SEPTIN6: variants seen among roughly 807,000 people sequenced by gnomAD.
SEPTIN6 encodes the protein septin 6.
In SEPTIN6, 8 loss-of-function variants were observed where a neutral mutation model predicts 33.6. The ratio of observed to expected loss-of-function variants is 0.24; its 90% confidence interval spans 0.14 to 0.43. The LOEUF is 0.43. Among genes scored for constraint, SEPTIN6 ranks in the 20% least tolerant of loss-of-function variants. The pLI, the probability that SEPTIN6 is intolerant of heterozygous loss-of-function variation, is 1.00. For synonymous variants in SEPTIN6, 131 were observed against 140.0 expected, an observed-to-expected ratio of 0.94 and a Z score of 0.45; for missense variants, 250 against 340.8, an observed-to-expected ratio of 0.73 and a Z score of 2.10.
At chrX:119,670,389 C>G (rs1159225334) in intron 2 of SEPTIN6, among the ~76,000 whole-genome samples, 1 of 107,832 alleles carries the variant, frequency 9.3e-6, no homozygotes, top group Non-Finnish European at 1.9e-5. Flanking sequence ...GAGACCCTGT[C>G]TCTACTAAAA....
At chrX:119,687,892 C>T (rs2055086779) in intron 1 of SEPTIN6, among the ~76,000 whole-genome samples, 1 of 112,178 alleles carries the variant, frequency 8.9e-6, no homozygotes, top group South Asian at 3.6e-4. Flanking sequence ...ACAAATCACT[C>T]TGCTATAATG....
At chrX:119,629,638 G>C in intron 8 of SEPTIN6, 130 bp from the exon 9 acceptor site, 1 of 528,872 alleles carries the variant, frequency 1.9e-6, no homozygotes, top group Non-Finnish European at 3.1e-6. Flanking sequence ...GGGCATTTCT[G>C]TCAGGGATTG....
At chrX:119,616,609 T>C (rs1201166809), downstream of SEPTIN6, 1 of 794,262 alleles carries the variant, frequency 1.3e-6, no homozygotes, top group Admixed American at 2.3e-5. Flanking sequence ...GGTGTATGTG[T>C]GTGTGCTTGC....
intron 3 of SEPTIN6, among the ~76,000 whole-genome samples, chrX:119,653,676 G>A (rs772361489): frequency 2.7e-5 from 3 of 112,620 alleles, no homozygotes; most frequent in South Asian, 7.2e-4. Context: ...AGAACATTCA[G>A]GGCTTTTGCT....
chrX:119,665,607 C>T (rs982682486), intron 2 of SEPTIN6, among the ~76,000 whole-genome samples: 9 of 111,230 alleles, frequency 8.1e-5, no homozygotes, highest in Admixed American at 2.9e-4. Flanking sequence ...TGTCAGGAGC[C>T]AACAAGACTT....
chrX:119,693,041 C>T, intron 1 of SEPTIN6, 35 bp downstream of exon 1: 2 of 1,164,043 alleles, frequency 1.7e-6, no homozygotes, highest in Non-Finnish European at 2.3e-6. Context: ...ACCAGGCCCT[C>T]GGCCCCGGCC....
chrX:119,647,485 T>C (rs112764543), intron 5 of SEPTIN6, among the ~76,000 whole-genome samples: 1,096 of 81,425 alleles, frequency 0.013, 45 homozygotes, highest in African/African-American at 0.051. Flanking sequence ...CTCTCTCTCT[T>C]TTTTTTTTTT....
intron 1 of SEPTIN6, among the ~76,000 whole-genome samples, chrX:119,678,008 G>A (rs892173983): frequency 3.0e-4 from 33 of 111,703 alleles, no homozygotes; most frequent in Admixed American, 1.6e-3. Flanking sequence ...CGAAGTGGGC[G>A]GATCTCTTGA....
At chrX:119,659,777 C>T (rs761176416) in intron 3 of SEPTIN6, among the ~76,000 whole-genome samples, 1 of 112,027 alleles carries the variant, frequency 8.9e-6, no homozygotes, top group South Asian at 3.7e-4. Context: ...GAAATTTGAA[C>T]CCAGGTCTGA....
chrX:119,679,551 G>C (rs1312844145), intron 1 of SEPTIN6, among the ~76,000 whole-genome samples: 1 of 111,626 alleles, frequency 9.0e-6, no homozygotes, highest in African/African-American at 3.3e-5. Context: ...ACAAATTTGA[G>C]AGATGTCTTA....
At chrX:119,668,098 C>T (rs1225747870) in intron 2 of SEPTIN6, among the ~76,000 whole-genome samples, 1 of 110,404 alleles carries the variant, frequency 9.1e-6, no homozygotes, top group African/African-American at 3.3e-5. Context: ...GAGTTGGAGA[C>T]CAGCCTGGCT....
intron 1 of SEPTIN6, 58 bp from the exon 2 acceptor site, chrX:119,675,726 C>T (rs1261073678): frequency 5.9e-6 from 4 of 672,419 alleles, no homozygotes; most frequent in African/African-American, 2.3e-5. Flanking sequence ...GTCTGGGTCT[C>T]GCTTCTCCAT....
In SEPTIN6 at chrX:119,617,545, C is replaced by T. The variant is rs1569415612; in HGVS notation, c.*2548G>A. Reference sequence around the variant, plus strand: ...TGCCTTCGTTTTGCCAGCCCTCACCCAATCCATCTTCAGATGTTTTTCTGT... The same window carrying T: ...TGCCTTCGTTTTGCCAGCCCTCACCTAATCCATCTTCAGATGTTTTTCTGT... On this transcript the variant is annotated 3_prime_UTR_variant, in exon 11 of 11. Transcript: ENST00000394610. The T allele has an allele frequency of 1.2e-6, 1 of 801,926 alleles. No homozygotes were observed. The allele number at this position is 801,926 out of a possible 1,213,427, so 66.1% of individuals were successfully genotyped here.
At chrX:119,657,218 CA>C (rs371794037) in intron 3 of SEPTIN6, among the ~76,000 whole-genome samples, 4,701 of 65,499 alleles carry the variant, frequency 0.072, 216 homozygotes, top group East Asian at 0.2. Context: ...GATTCCGTCT[CA>C]AAAAAAAAAA....
chrX:119,690,348 T>TACACAC (rs1196119691), intron 1 of SEPTIN6, among the ~76,000 whole-genome samples: 7,353 of 74,824 alleles, frequency 0.098, 297 homozygotes, highest in South Asian at 0.22. Context: ...TACATACACA[T>TACACAC]ACACACACAC....
rs1018065608 is a variant in SEPTIN6 at position 119,617,616 on chromosome X, C to T, written c.*2477G>A. On this transcript the variant is annotated 3_prime_UTR_variant, in exon 11 of 11. Coordinates refer to ENST00000394610, the MANE Select transcript of SEPTIN6 (RefSeq NM_145799.4). The stretch of plus-strand genomic sequence containing the variant: ...TTCTAATACTAACTAGTCAGTTACT[C>T]TGAACATCAAAAGACCTCGTATCCA... The T allele has an allele frequency of 1.2e-6, 1 of 801,536 alleles. No homozygotes were observed. 66.1% of individuals were successfully genotyped at this position (801,536 alleles called of 1,213,427 possible).
chrX:119,661,794 A>G (rs2054551287), intron 3 of SEPTIN6, among the ~76,000 whole-genome samples: 1 of 111,685 alleles, frequency 9.0e-6, no homozygotes, highest in Non-Finnish European at 1.9e-5. Flanking sequence ...GCTGGAGTAC[A>G]GTGGCGCAAT....
intron 3 of SEPTIN6, among the ~76,000 whole-genome samples, chrX:119,658,278 T>C (rs2054486989): frequency 8.9e-6 from 1 of 111,983 alleles, no homozygotes; most frequent in African/African-American, 3.2e-5. Flanking sequence ...GGGGCAGATT[T>C]ACAGACACCG....
rs1272077827 is a variant in SEPTIN6, at chrX:119,657,049, T to C, written c.342-4009A>G. Among the ~76,000 whole-genome samples, 9 of 107,152 alleles carry C rather than the reference T, an allele frequency of 8.4e-5. No homozygotes were observed. The East Asian group carries it at 2.6e-3, about 31-fold the overall frequency. 93.0% of individuals were successfully genotyped at this position (107,152 alleles called of 115,157 possible). On this transcript the variant is annotated intron_variant, in intron 3 of 10. Transcript: ENST00000394610. ...GCCCTGCCAACACAGTGAAACCCCG[T>C]CTCTACTAAAAATACAAAAATTAGC...
Sources: gnomAD v4.1 joint callset for allele counts (sites outside exome capture counted in the v4.1 genomes callset) on GRCh38, gnomAD v4.1.1 for gene constraint, MANE v1.5 for transcripts, NCBI Gene and HGNC (gene_info 2026-07-23, HGNC 2026-07-21) for gene names.